Variants in EPB41L5 observed in about 807,000 individuals in gnomAD.
The protein encoded by EPB41L5 is erythrocyte membrane protein band 4.1 like 5.
A neutral mutation model predicts 106.6 loss-of-function variants in EPB41L5; 55 were observed. The ratio of observed to expected loss-of-function variants is 0.52; its 90% CI spans 0.42 to 0.65. The LOEUF (loss-of-function observed/expected upper bound fraction) is 0.65. EPB41L5 is among the 30% of genes least tolerant of loss of function. EPB41L5 has a pLI of 0.00. For synonymous variants in EPB41L5, 297 were observed against 306.7 expected (o/e 0.97, Z 0.33); for missense variants, 871 against 882.1 (o/e 0.99, Z 0.16).
intron 2 of EPB41L5, among the ~76,000 whole-genome samples, chr2:120,033,389 A>G (rs1678840875): frequency 6.6e-6 from 1 of 152,204 alleles, no homozygotes; most frequent in South Asian, 2.1e-4. Flanking sequence ...TTGGGATATC[A>G]GAATTTTGTT....
At chr2:120,165,196 A>T (rs1355360665) in intron 22 of EPB41L5, among the ~76,000 whole-genome samples, 2 of 152,220 alleles carry the variant, frequency 1.3e-5, no homozygotes, top group African/African-American at 4.8e-5. Context: ...GACAATAAGG[A>T]TATATTTAAT....
At chr2:120,133,803 C>T (rs776501889) in intron 18 of EPB41L5, among the ~76,000 whole-genome samples, 22 of 152,152 alleles carry the variant, frequency 1.4e-4, no homozygotes, top group Non-Finnish European at 2.9e-5. Flanking sequence ...CTTGCATCAC[C>T]CTCTCCCAGT....
At chr2:120,132,073 A>C (rs1685719642) in intron 18 of EPB41L5, among the ~76,000 whole-genome samples, 1 of 152,230 alleles carries the variant, frequency 6.6e-6, no homozygotes, top group Admixed American at 6.5e-5. Context: ...GGTATAAACA[A>C]GAAAGAGAAT....
chr2:120,147,718 G>C lies in EPB41L5; in HGVS notation c.1793+1429G>C, dbSNP rs558077072. Reference sequence around the variant, plus strand: ...CTATTGTTATTATTGAAGTCTTTCAGAATAAAATTTTTTGTTTGCCAGGAG... The same window carrying C: ...CTATTGTTATTATTGAAGTCTTTCACAATAAAATTTTTTGTTTGCCAGGAG... On this transcript the variant is annotated intron_variant, in intron 20 of 24. Coordinates refer to ENST00000263713, the MANE Select transcript of EPB41L5 (RefSeq NM_020909.4). Among the ~76,000 whole-genome samples the C allele has an allele frequency of 2.6e-4, 39 of 151,234 alleles. 1 individual carries two copies. The South Asian group carries it at 8.1e-3, about 32-fold the overall frequency.
intron 16 of EPB41L5, among the ~76,000 whole-genome samples, chr2:120,126,006 C>T (rs904859250): frequency 1.3e-5 from 2 of 152,156 alleles, no homozygotes; most frequent in Admixed American, 6.5e-5. Flanking sequence ...CCTTTGTCTT[C>T]ACATAGCATT....
chr2:120,036,578 T>C (rs184342066), intron 2 of EPB41L5, among the ~76,000 whole-genome samples: 1 of 152,322 alleles, frequency 6.6e-6, no homozygotes, highest in East Asian at 1.9e-4. Context: ...TTTTCTTGTT[T>C]TATGTTGTTA....
intron 3 of EPB41L5, among the ~76,000 whole-genome samples, chr2:120,059,616 T>C (rs1044245475): frequency 6.6e-6 from 1 of 152,152 alleles, no homozygotes; most frequent in Non-Finnish European, 1.5e-5. Context: ...ATATACACAA[T>C]GCCTAGCTGG....
rs1413864673 is a variant in EPB41L5, at chr2:120,076,036, A to C, written c.505+283A>C. 5.9e-5 allele frequency among the ~76,000 whole-genome samples: 9 copies of C among 152,182 alleles called. No homozygotes were observed. In the South Asian group the frequency reaches 1.7e-3, roughly 28 times the overall value. ...GGGCCTTCGGCTAACTTTTTCCTTA[A>C]AAGAAATGCAGTTATGTAGGAGTGA... is the stretch of plus-strand genomic sequence containing the variant. On this transcript the variant is annotated intron_variant, in intron 7 of 24. Coordinates refer to ENST00000263713, the MANE Select transcript of EPB41L5 (RefSeq NM_020909.4).
At chr2:120,106,349 T>C in intron 16 of EPB41L5, 1 of 985,238 alleles carries the variant, frequency 1.0e-6, no homozygotes, top group Non-Finnish European at 1.2e-6. Context: ...TCATATCAAA[T>C]ATTGCAAATA....
At chr2:120,084,199 G>A (rs1431929535) in intron 10 of EPB41L5, among the ~76,000 whole-genome samples, 1 of 152,158 alleles carries the variant, frequency 6.6e-6, no homozygotes, top group African/African-American at 2.4e-5. Flanking sequence ...CTCATTAGTT[G>A]ATGCAGTTTC....
intron 18 of EPB41L5, among the ~76,000 whole-genome samples, chr2:120,136,235 C>A (rs1407936673): frequency 4.1e-5 from 6 of 147,144 alleles, no homozygotes; most frequent in Non-Finnish European, 4.5e-5. Context: ...CTCATGGTAA[C>A]CTCAAATAAA....
intron 11 of EPB41L5, 34 bp downstream of exon 11, chr2:120,087,274 A>G: frequency 8.0e-7 from 1 of 1,249,424 alleles, no homozygotes. Flanking sequence ...TACTTGTGTA[A>G]CAGTGACTGT....
intron 2 of EPB41L5, among the ~76,000 whole-genome samples, chr2:120,038,316 TGA>T (rs1679174784): frequency 6.6e-6 from 1 of 152,198 alleles, no homozygotes; most frequent in African/African-American, 2.4e-5. Flanking sequence ...AGAGCCACGA[TGA>T]GAGAGACTGA....
chr2:120,086,272 A>G (rs778104469), intron 10 of EPB41L5, among the ~76,000 whole-genome samples: 3 of 152,100 alleles, frequency 2.0e-5, no homozygotes, highest in African/African-American at 4.8e-5. Context: ...TTTTACATCT[A>G]TTTTATATGT....
At chr2:120,022,232 G>A (rs1406780713) in intron 2 of EPB41L5, among the ~76,000 whole-genome samples, 1 of 151,822 alleles carries the variant, frequency 6.6e-6, no homozygotes. Flanking sequence ...TGTGCAGAAC[G>A]TGCAGGTTTA....
intron 3 of EPB41L5, among the ~76,000 whole-genome samples, chr2:120,062,116 G>A (rs1429513816): frequency 6.6e-6 from 1 of 152,114 alleles, no homozygotes; most frequent in Non-Finnish European, 1.5e-5. Flanking sequence ...ACCAGCAAAT[G>A]CAGTTATGGA....
chr2:120,120,735 G>A (rs1206196135), intron 16 of EPB41L5, among the ~76,000 whole-genome samples: 1 of 152,134 alleles, frequency 6.6e-6, no homozygotes, highest in Non-Finnish European at 1.5e-5. Flanking sequence ...AAATAATGAG[G>A]GGATTGAGAA....
chr2:120,026,280 T>C (rs1678307220), intron 2 of EPB41L5, among the ~76,000 whole-genome samples: 1 of 152,250 alleles, frequency 6.6e-6, no homozygotes, highest in Non-Finnish European at 1.5e-5. Flanking sequence ...GATCAAATCA[T>C]GGTACATGAG....
intron 3 of EPB41L5, among the ~76,000 whole-genome samples, chr2:120,044,304 T>C (rs1360106736): frequency 6.6e-6 from 1 of 152,192 alleles, no homozygotes; most frequent in Admixed American, 6.5e-5. Flanking sequence ...TTAGACTAAA[T>C]TCACTAATGG....
Sources: allele counts gnomAD v4.1 joint callset (sites outside exome capture counted in the v4.1 genomes callset), GRCh38; gene constraint gnomAD v4.1.1; transcripts MANE v1.5; gene names NCBI Gene and HGNC (gene_info 2026-07-23, HGNC 2026-07-21).